The following MTUS1 variants were observed in gnomAD, a reference collection of about 807,000 sequenced individuals.
The protein encoded by MTUS1 is microtubule-associated tumor suppressor 1.
In MTUS1, 109 loss-of-function variants were observed where a neutral mutation model predicts 120.8. The ratio of observed to expected loss-of-function variants is 0.90; its 90% CI spans 0.77 to 1.06. The LOEUF (loss-of-function observed/expected upper bound fraction) is 1.06, where lower values mean the gene tolerates loss of function less well. Among genes scored for constraint, MTUS1 ranks in the 50% least tolerant of loss-of-function variants. The pLI, the probability that MTUS1 is intolerant of heterozygous loss-of-function variation, is 0.00. For synonymous variants in MTUS1, 737 were observed against 550.5 expected (o/e 1.34, Z -4.74); for missense variants, 2,210 against 1,486.3 (o/e 1.49, Z -8.01).
At chr8:17,751,661 C>T (rs920230500) in intron 2 of MTUS1, among the ~76,000 whole-genome samples, 1 of 151,920 alleles carries the variant, frequency 6.6e-6, no homozygotes, top group Non-Finnish European at 1.5e-5. Context: ...AGATCAAGAC[C>T]ATCCTGGACA....
chr8:17,687,589 C>G (rs780676188), intron 6 of MTUS1, among the ~76,000 whole-genome samples: 3 of 152,114 alleles, frequency 2.0e-5, no homozygotes, highest in Non-Finnish European at 4.4e-5. Context: ...TTTAAAGGGC[C>G]AATTTAATCA....
intron 1 of MTUS1, among the ~76,000 whole-genome samples, chr8:17,768,937 T>C (rs150824503): frequency 0.018 from 2,729 of 152,300 alleles, 33 homozygotes; most frequent in Non-Finnish European, 0.028. Context: ...TTGTTTTTGT[T>C]TTTTTAATAT....
intron 1 of MTUS1, among the ~76,000 whole-genome samples, chr8:17,772,707 A>G (rs1440825918): frequency 6.6e-6 from 1 of 152,222 alleles, no homozygotes; most frequent in Non-Finnish European, 1.5e-5. Context: ...ACTATCATTC[A>G]ATGTTAGAGA....
chr8:17,665,693 C>G (rs1810749083), intron 8 of MTUS1, among the ~76,000 whole-genome samples: 1 of 152,190 alleles, frequency 6.6e-6, no homozygotes, highest in South Asian at 2.1e-4. Context: ...AGCCTAACCA[C>G]AGAACACCCA....
chr8:17,783,328 G>C (rs1241875590), intron 1 of MTUS1, among the ~76,000 whole-genome samples: 1 of 152,120 alleles, frequency 6.6e-6, no homozygotes, highest in Non-Finnish European at 1.5e-5. Flanking sequence ...TGCTAAAGGT[G>C]GGGGTGTGCC....
chr8:17,757,667 C>G (rs1466288207), intron 1 of MTUS1, among the ~76,000 whole-genome samples: 1 of 152,106 alleles, frequency 6.6e-6, no homozygotes, highest in East Asian at 1.9e-4. Flanking sequence ...GCAGGGACTA[C>G]AGGTGTACAC....
chr8:17,707,927 C>T (rs972520562), intron 6 of MTUS1, among the ~76,000 whole-genome samples: 1 of 152,194 alleles, frequency 6.6e-6, no homozygotes, highest in Non-Finnish European at 1.5e-5. Flanking sequence ...ATTAGACCTT[C>T]TATCTCATAC....
chr8:17,726,164 C>A (rs1414956976), intron 3 of MTUS1, among the ~76,000 whole-genome samples: 1 of 152,160 alleles, frequency 6.6e-6, no homozygotes. Flanking sequence ...CTTCTGAACC[C>A]TTGCTACTCA....
intron 8 of MTUS1, among the ~76,000 whole-genome samples, chr8:17,661,399 G>A (rs1809659651): frequency 6.6e-6 from 1 of 152,204 alleles, no homozygotes; most frequent in South Asian, 2.1e-4. Flanking sequence ...ATCTGGGACA[G>A]AAACATCTAA....
intron 6 of MTUS1, among the ~76,000 whole-genome samples, chr8:17,699,886 C>T (rs558707563): frequency 1.3e-5 from 2 of 152,304 alleles, no homozygotes; most frequent in African/African-American, 4.8e-5. Flanking sequence ...CAATTACTTT[C>T]AGGTCACAAC....
chr8:17,685,737 A>C (rs569017352), intron 6 of MTUS1, among the ~76,000 whole-genome samples: 131 of 152,332 alleles, frequency 8.6e-4, no homozygotes, highest in African/African-American at 3.1e-3. Context: ...TTACATGGTT[A>C]AATAAGTCAT....
intron 6 of MTUS1, among the ~76,000 whole-genome samples, chr8:17,707,674 C>G (rs1479476739): frequency 6.6e-6 from 1 of 152,138 alleles, no homozygotes; most frequent in East Asian, 1.9e-4. Flanking sequence ...AATCAAGGGA[C>G]CCAGAATAGC....
At chr8:17,700,690 AT>A (rs35276308) in intron 6 of MTUS1, among the ~76,000 whole-genome samples, 25,780 of 150,172 alleles carry the variant, frequency 0.17, 2,371 homozygotes, top group East Asian at 0.32. Context: ...TATTTTCCTA[AT>A]TTTTTTTTTC....
At chr8:17,664,939 A>T (rs1810573085) in intron 8 of MTUS1, among the ~76,000 whole-genome samples, 1 of 152,200 alleles carries the variant, frequency 6.6e-6, no homozygotes, top group Non-Finnish European at 1.5e-5. Flanking sequence ...TGGGACCCAG[A>T]CTATCCCACA....
rs139704300 is a variant in MTUS1, at chr8:17,653,380, A to G, written c.3288+45T>C. ...TTAAAACCAAACAAAATCAAAAATG[A>G]TATTTTTTTTTGTGGGGGATACTGG... On this transcript the variant is annotated intron_variant, in intron 11 of 14. Transcript: ENST00000693296. The G allele has an allele frequency of 7.9e-3, 12,135 of 1,542,332 alleles. 76 individuals carry two copies. The highest frequency in any genetic ancestry group is 8.9e-3 in the Non-Finnish European group (10,103 of 1,134,532).
intron 5 of MTUS1, among the ~76,000 whole-genome samples, chr8:17,714,916 T>C (rs1218697846): frequency 7.2e-6 from 1 of 138,590 alleles, no homozygotes; most frequent in Non-Finnish European, 1.6e-5. Flanking sequence ...TTTTTTTTTT[T>C]TTTTTTTGAG....
chr8:17,751,811 T>A (rs1189103121), intron 2 of MTUS1, among the ~76,000 whole-genome samples: 1 of 138,690 alleles, frequency 7.2e-6, no homozygotes, highest in African/African-American at 2.7e-5. Flanking sequence ...TGAGCCGAGA[T>A]CTTGCCACTG....
At chr8:17,767,380 C>T (rs1024501140) in intron 1 of MTUS1, among the ~76,000 whole-genome samples, 12 of 151,140 alleles carry the variant, frequency 7.9e-5, no homozygotes, top group African/African-American at 2.9e-4. Context: ...CTTCCATTAG[C>T]AGTTTAAAAA....
chr8:17,699,342 G>A (rs560415403), intron 6 of MTUS1, among the ~76,000 whole-genome samples: 74 of 151,974 alleles, frequency 4.9e-4, no homozygotes, highest in Middle Eastern at 3.4e-3. Flanking sequence ...CTCAGCCTCC[G>A]TAGATGGGAT....
Sources: gnomAD v4.1 joint callset for allele counts (sites outside exome capture counted in the v4.1 genomes callset) on GRCh38, gnomAD v4.1.1 for gene constraint, MANE v1.5 for transcripts, NCBI Gene and HGNC (gene_info 2026-07-23, HGNC 2026-07-21) for gene names.